Variants in EYS observed in about 807,000 individuals in gnomAD.
EYS encodes protein eyes shut homolog.
EYS carries 250 observed loss-of-function variants against 282.1 expected under a neutral mutation model. The observed-to-expected ratio is 0.89, with a 90% CI of 0.80 to 0.98. The LOEUF (loss-of-function observed/expected upper bound fraction) is 0.98. Among genes scored for constraint, EYS ranks in the 50% least tolerant of loss-of-function variants. The pLI, the probability that EYS is intolerant of heterozygous loss-of-function variation, is 0.00. For missense variants in EYS, 4,016 were observed against 3,709.0 expected, an observed-to-expected ratio of 1.08 and a Z score of -2.15; for synonymous variants, 1,355 against 1,282.9, an observed-to-expected ratio of 1.06 and a Z score of -1.20.
chr6:64,427,561 A>G (rs1774448510), intron 28 of EYS, among the ~76,000 whole-genome samples: 1 of 152,142 alleles, frequency 6.6e-6, no homozygotes. Context: ...TATATATTAA[A>G]AAAGGCCATA....
intron 35 of EYS, among the ~76,000 whole-genome samples, chr6:63,945,211 C>G (rs956828161): frequency 4.6e-5 from 7 of 152,136 alleles, no homozygotes; most frequent in Admixed American, 3.9e-4. Context: ...AACTTACATT[C>G]ACGGTGGAAG....
At chr6:65,575,326 CTAAATAAATAAA>C (rs71002320) in intron 2 of EYS, among the ~76,000 whole-genome samples, 1 of 142,028 alleles carries the variant, frequency 7.0e-6, no homozygotes, top group Non-Finnish European at 1.5e-5. Flanking sequence ...GACTTCCTCT[CTAAATAAATAAA>C]TAAATAAATA....
intron 26 of EYS, among the ~76,000 whole-genome samples, chr6:64,461,666 T>C (rs979263332): frequency 6.6e-6 from 1 of 152,182 alleles, no homozygotes; most frequent in African/African-American, 2.4e-5. Context: ...TTTATATTAC[T>C]GAAAGCTGAT....
At chr6:64,475,750 AAT>A (rs1361260509) in intron 26 of EYS, among the ~76,000 whole-genome samples, 2 of 151,746 alleles carry the variant, frequency 1.3e-5, no homozygotes, top group Admixed American at 6.6e-5. Context: ...AATAAAAAAA[AAT>A]CATTTAATTT....
chr6:64,317,816 T>G (rs1412723815), intron 29 of EYS, among the ~76,000 whole-genome samples: 1 of 152,130 alleles, frequency 6.6e-6, no homozygotes, highest in Non-Finnish European at 1.5e-5. Flanking sequence ...AAAGAAAATG[T>G]GGCACATATA....
At chr6:64,310,771 A>T (rs548041964) in intron 29 of EYS, among the ~76,000 whole-genome samples, 2 of 96,500 alleles carry the variant, frequency 2.1e-5, no homozygotes, top group Non-Finnish European at 5.4e-5. Context: ...AAAGGTGAAA[A>T]AAAAGAGAGA....
At chr6:65,427,952 G>T (rs1032804179) in intron 5 of EYS, among the ~76,000 whole-genome samples, 1 of 151,860 alleles carries the variant, frequency 6.6e-6, no homozygotes, top group South Asian at 2.1e-4. Context: ...TCTATGGTAT[G>T]AAAGTACAAA....
intron 31 of EYS, among the ~76,000 whole-genome samples, chr6:64,129,063 G>T (rs1773879599): frequency 6.6e-6 from 1 of 152,140 alleles, no homozygotes; most frequent in Non-Finnish European, 1.5e-5. Context: ...TTAAAACACA[G>T]CCACACCCAT....
rs945544765 is a variant in EYS at position 65,006,171 on chromosome 6, C to A, written c.2138-8468G>T. ...CGTTCCCCACCACCTGTGCCAGGGCCCCAAGTTTGTAATGGCTAAGAGAGA... is the reference window on the plus strand; with the variant it reads ...CGTTCCCCACCACCTGTGCCAGGGCACCAAGTTTGTAATGGCTAAGAGAGA... On this transcript the variant is annotated intron_variant, in intron 13 of 42. Coordinates refer to ENST00000503581, the MANE Select transcript of EYS (RefSeq NM_001142800.2). Among the ~76,000 whole-genome samples the A allele has an allele frequency of 2.0e-5, 3 of 151,456 alleles. No homozygotes were observed. In the South Asian group the frequency reaches 6.3e-4, roughly 32 times the overall value.
chr6:64,908,303 C>T (rs566164177), intron 16 of EYS, among the ~76,000 whole-genome samples: 19 of 152,236 alleles, frequency 1.2e-4, no homozygotes, highest in Non-Finnish European at 2.1e-4. Flanking sequence ...GGTGTGTTGC[C>T]TTGGCGGGAA....
chr6:64,753,748 C>T lies in EYS; in HGVS notation c.3443+59630G>A, dbSNP rs534661037. 5.3e-5 allele frequency among the ~76,000 whole-genome samples: 8 copies of T among 151,918 alleles called. No homozygotes were observed. In the East Asian group the frequency reaches 1.5e-3, roughly 29 times the overall value. ...ACTAAACTTAAAATGGACTCCATTG[C>T]AATGAACCTAATAGATGTCTACAGA... On this transcript the variant is annotated intron_variant, in intron 22 of 42. Coordinates refer to ENST00000503581, the MANE Select transcript of EYS (RefSeq NM_001142800.2).
rs1301286881 is a variant in EYS, at chr6:65,689,274, A to G, written c.-448+17861T>C. On this transcript the variant is annotated intron_variant, in intron 1 of 42. Coordinates refer to ENST00000503581, the MANE Select transcript of EYS (RefSeq NM_001142800.2). ...TCATTCTCAGCAAACTATCGCAAGG[A>G]CAAAAAACCAAACACCGCATGTTCT... 4.7e-5 allele frequency among the ~76,000 whole-genome samples: 7 copies of G among 150,110 alleles called. 2 individuals are homozygous for G. In the East Asian group the frequency reaches 1.6e-3, roughly 35 times the overall value.
At chr6:64,592,636 C>T (rs1766448523) in intron 25 of EYS, among the ~76,000 whole-genome samples, 2 of 152,032 alleles carry the variant, frequency 1.3e-5, no homozygotes, top group South Asian at 4.1e-4. Context: ...TATGACATCA[C>T]TTGATTTAGA....
chr6:65,277,610 A>G (rs1304034989), intron 12 of EYS, among the ~76,000 whole-genome samples: 1 of 152,246 alleles, frequency 6.6e-6, no homozygotes, highest in South Asian at 2.1e-4. Flanking sequence ...TGAAAAATAA[A>G]TTTCTGCTTT....
chr6:64,827,451 A>G (rs1765093372), intron 19 of EYS, among the ~76,000 whole-genome samples: 1 of 151,890 alleles, frequency 6.6e-6, no homozygotes. Context: ...TTACTTCATG[A>G]AAATGCCAAA....
At chr6:64,769,364 AC>A (rs769810184) in intron 22 of EYS, among the ~76,000 whole-genome samples, 2 of 151,840 alleles carry the variant, frequency 1.3e-5, no homozygotes, top group Non-Finnish European at 2.9e-5. Flanking sequence ...TTTGAATACA[AC>A]TCTATAGACA....
intron 35 of EYS, among the ~76,000 whole-genome samples, chr6:63,983,146 A>G (rs6934658): frequency 0.38 from 57,199 of 151,558 alleles, 11,063 homozygotes; most frequent in African/African-American, 0.46. Flanking sequence ...ATTTACTCTC[A>G]TTTAGTTCTT....
At chr6:64,127,849 T>A (rs953193200) in intron 31 of EYS, among the ~76,000 whole-genome samples, 1 of 152,146 alleles carries the variant, frequency 6.6e-6, no homozygotes, top group Non-Finnish European at 1.5e-5. Flanking sequence ...ATTTTCCATA[T>A]ACTTATTATA....
At chr6:65,116,202 G>C (rs908295815) in intron 12 of EYS, among the ~76,000 whole-genome samples, 3 of 152,218 alleles carry the variant, frequency 2.0e-5, no homozygotes, top group African/African-American at 7.2e-5. Flanking sequence ...TGGAAACTAA[G>C]CTTAGTGGTC....
Sources: gnomAD v4.1 joint callset for allele counts (sites outside exome capture counted in the v4.1 genomes callset) on GRCh38, gnomAD v4.1.1 for gene constraint, MANE v1.5 for transcripts, NCBI Gene and HGNC (gene_info 2026-07-23, HGNC 2026-07-21) for gene names.